ZNF865: variants seen among roughly 807,000 people sequenced by gnomAD.
ZNF865 encodes the protein zinc finger protein 865.
For missense variants in ZNF865, 1,311 were observed against 1,593.4 expected (o/e 0.82, Z 3.02); for synonymous variants, 763 against 750.8 (o/e 1.02, Z -0.27).
At position 55,616,684 on chromosome 19, in the gene ZNF865, C is replaced by T; in HGVS notation, c.3066C>T (p.Cys1022=). The change falls in exon 2 of 2, where the codon TGC becomes TGT. Residue 1022 remains cysteine (C), a synonymous_variant. Coordinates refer to ENST00000568956, the MANE Select transcript of ZNF865 (RefSeq NM_001195605.2). The part of the protein sequence containing the change: ...QGGRPFRCSS[C]GEGFANTYGL... ...GCCGGCCCTTCCGCTGCTCCTCCTG[C>T]GGCGAGGGCTTCGCCAACACCTACG... 2 of 1,529,962 alleles carry T rather than the reference C, an allele frequency of 1.3e-6. No individual in the cohort carries two copies. Among genetic ancestry groups the T allele is most frequent in the Non-Finnish European group, 1.7e-6 (2 of 1,144,286 alleles). 94.8% of individuals were successfully genotyped at this position (1,529,962 alleles called of 1,614,324 possible). A position where few individuals can be genotyped will look rare whatever the true frequency, so the allele number is the denominator to read the frequency against.
At position 55,613,576 on chromosome 19, in the gene ZNF865, C is replaced by G. The variant is rs925376389; in HGVS notation, c.-26-17C>G. The G allele has an allele frequency of 2.7e-6, 4 of 1,483,070 alleles. No individual in the cohort carries two copies. The highest frequency in any genetic ancestry group is 1.8e-4 in the Middle Eastern group (1 of 5,564). 91.9% of individuals were successfully genotyped at this position (1,483,070 alleles called of 1,614,324 possible). On this transcript the variant is annotated splice_polypyrimidine_tract_variant and intron_variant, in intron 1 of 1. Transcript: ENST00000568956. ...AGCGCCGCGGCCGTGTCCTCAGCCC[C>G]GTCCTCCTCTTCACAGGGTCTCCCG... is the stretch of plus-strand genomic sequence containing the variant.
In ZNF865 at chr19:55,615,524, CTGGCCGGGG is replaced by C; in HGVS notation, c.1907_1915del (p.Leu636_Ala639delinsPro). 1 of 1,504,454 alleles carries C rather than the reference CTGGCCGGGG, an allele frequency of 6.6e-7. No individual in the cohort carries two copies. Among genetic ancestry groups the C allele is most frequent in the Non-Finnish European group, 8.8e-7 (1 of 1,132,944 alleles). The allele number at this position is 1,504,454 out of a possible 1,614,324, so 93.2% of individuals were successfully genotyped here. ...GCACCGGCTCCAGCTGCCCTGCGCC[CTGGCCGGGG>C]CAGCCGGCCTCCCCTCCACCCAAGG... On this transcript the variant is annotated inframe_deletion, in exon 2 of 2. Transcript: ENST00000568956.
Position 55,615,960 on chromosome 19 carries a change from C to G in ZNF865, c.2342C>G (p.Ala781Gly). 1 of 1,506,812 alleles carries G rather than the reference C, an allele frequency of 6.6e-7. No individual in the cohort carries two copies. 93.3% of individuals were successfully genotyped at this position (1,506,812 alleles called of 1,614,324 possible). The change falls in exon 2 of 2, where the codon GCT (alanine) becomes GGT (glycine). Residue 781 changes from alanine to glycine, a missense_variant. Transcript: ENST00000568956. Reference sequence around the variant, plus strand: ...GCAGGCGGGGCGGCGGTGGCAGGTGCTGGCGGGGGTGCCAGTTCCGGCCCC... The same window carrying G: ...GCAGGCGGGGCGGCGGTGGCAGGTGGTGGCGGGGGTGCCAGTTCCGGCCCC... ...EDAGGAAVAG[A>G]GGGASSGPER...
chr19:55,615,065 C>A lies in ZNF865; in HGVS notation c.1447C>A (p.Pro483Thr). Residue 483 changes from proline (P) to threonine (T), a missense_variant, in exon 2 of 2, where the codon CCC (proline) becomes ACC (threonine). Transcript: ENST00000568956. ...GGACGGGGCGGCCTCGGCCCCGCAG[C>A]CCCCGCCCACCTTCCCCCCGGGCCC... The part of the protein sequence containing the change: ...PKDGAASAPQ[P>T]PPTFPPGPYL... 1 of 1,216,656 alleles carries A rather than the reference C, an allele frequency of 8.2e-7. No individual in the cohort carries two copies. Among genetic ancestry groups the A allele is most frequent in the Non-Finnish European group, 1.0e-6 (1 of 975,028 alleles). 75.4% of individuals were successfully genotyped at this position (1,216,656 alleles called of 1,614,324 possible).
chr19:55,614,640 C>T lies in ZNF865; in HGVS notation c.1022C>T (p.Pro341Leu). Residue 341 changes from proline (P) to leucine (L), a missense_variant, in exon 2 of 2, where the codon CCT becomes CTT. Transcript: ENST00000568956. The surrounding 1 kb of genome is among the most constrained non-coding windows in gnomAD (Gnocchi z 8.0). Reference sequence around the variant, plus strand: ...CCTGCTGGTGTTGGGGTGCCCCCTCCTGCCACCGGGGGTGGCGATGGCCCG... The same window carrying T: ...CCTGCTGGTGTTGGGGTGCCCCCTCTTGCCACCGGGGGTGGCGATGGCCCG... ...AAPAGVGVPP[P>L]ATGGGDGPFA... 6.5e-7 allele frequency: 1 copy of T among 1,534,168 alleles called. No individual in the cohort carries two copies. The highest frequency in any genetic ancestry group is 8.7e-7 in the Non-Finnish European group (1 of 1,146,786).
chr19:55,606,565 C>T (rs1980950831), intron 1 of ZNF865, among the ~76,000 whole-genome samples: 1 of 152,230 alleles, frequency 6.6e-6, no homozygotes, highest in Admixed American at 6.5e-5. Context: ...AGCCTTCCTT[C>T]CCAGAATGTG....
At position 55,615,595 on chromosome 19, in the gene ZNF865, G is replaced by T. The variant is rs766470408; in HGVS notation, c.1977G>T (p.Thr659=). 19 of 1,532,512 alleles carry T rather than the reference G, an allele frequency of 1.2e-5. No individual in the cohort carries two copies. The highest frequency in any genetic ancestry group is 1.6e-5 in the Non-Finnish European group (18 of 1,145,564). 94.9% of individuals were successfully genotyped at this position (1,532,512 alleles called of 1,614,324 possible). A position where few individuals can be genotyped will look rare whatever the true frequency, so the allele number is the denominator to read the frequency against. The change falls in exon 2 of 2, where the codon ACG becomes ACT. Residue 659 remains threonine (T), a synonymous_variant. Transcript: ENST00000568956. ...CCTGTGGGCCCGGGGCCTCGGGCAC[G>T]TCTGCAGGGCCCACCGATGGGCTGA... ...PGACGPGASG[T]SAGPTDGLSY... is the part of the protein sequence containing the mutation.
chr19:55,609,722 T>C (rs1484360767), intron 1 of ZNF865, among the ~76,000 whole-genome samples: 1 of 152,092 alleles, frequency 6.6e-6, no homozygotes, highest in Non-Finnish European at 1.5e-5. Context: ...ATAACAAATA[T>C]CAAACTGGTC....
chr19:55,615,081 C>G lies in ZNF865; in HGVS notation c.1463C>G (p.Pro488Arg). 1 of 1,210,376 alleles carries G rather than the reference C, an allele frequency of 8.3e-7. No homozygotes were observed. Among genetic ancestry groups the G allele is most frequent in the Non-Finnish European group, 1.0e-6 (1 of 971,664 alleles). The allele number at this position is 1,210,376 out of a possible 1,614,324, so 75.0% of individuals were successfully genotyped here. A position where few individuals can be genotyped will look rare whatever the true frequency, so the allele number is the denominator to read the frequency against. The change falls in exon 2 of 2, where the codon CCC (proline) becomes CGC (arginine). Residue 488 changes from proline to arginine, a missense_variant. Physicochemically the swap from Pro to Arg is moderately radical, Grantham distance 103. Transcript: ENST00000568956. The stretch of plus-strand genomic sequence containing the variant: ...GCCCCGCAGCCCCCGCCCACCTTCC[C>G]CCCGGGCCCGTACCTCCTGCCCCCC... ...ASAPQPPPTF[P>R]PGPYLLPPDP...
At chr19:55,610,198 C>T (rs2123584951) in intron 1 of ZNF865, among the ~76,000 whole-genome samples, 1 of 152,350 alleles carries the variant, frequency 6.6e-6, no homozygotes, top group South Asian at 2.1e-4. Context: ...TTGGCTGCAC[C>T]TCCTCAGCTT....
Position 55,616,508 on chromosome 19 carries a change from C to A in ZNF865, c.2890C>A (p.His964Asn), listed in dbSNP as rs1328679909. 6.5e-7 allele frequency: 1 copy of A among 1,534,576 alleles called. No individual in the cohort carries two copies. Among genetic ancestry groups the A allele is most frequent in the Non-Finnish European group, 8.7e-7 (1 of 1,146,198 alleles). Residue 964 changes from histidine (H) to asparagine (N), a missense_variant, in exon 2 of 2, where the codon CAC becomes AAC. Coordinates refer to ENST00000568956, the MANE Select transcript of ZNF865 (RefSeq NM_001195605.2). ...GGGCGAGCGCGCCTACCGCTGTGAG[C>A]ACTGCGGCAAGGGCTTCTTCTACCT... ...HLGERAYRCE[H>N]CGKGFFYLSS... is the part of the protein sequence containing the mutation.
chr19:55,606,960 C>G (rs1201739290), intron 1 of ZNF865, among the ~76,000 whole-genome samples: 1 of 152,152 alleles, frequency 6.6e-6, no homozygotes, highest in African/African-American at 2.4e-5. Context: ...GCAGCAAGAA[C>G]AACAAGTGCA....
rs1274719954 is a variant in ZNF865 at position 55,613,957 on chromosome 19, C to T, written c.339C>T (p.Ser113=). Residue 113 remains serine (S), a synonymous_variant, in exon 2 of 2, where the codon TCC becomes TCT. Coordinates refer to ENST00000568956, the MANE Select transcript of ZNF865 (RefSeq NM_001195605.2). The part of the protein sequence containing the change: ...SSSSSSSSSS[S]SSSSQAKKPD... ...CGTCCTCCTCGTCGTCATCTTCGTC[C>T]TCTTCCTCTTCCCAAGCCAAGAAGC... 17 of 1,531,710 alleles carry T rather than the reference C, an allele frequency of 1.1e-5. No homozygotes were observed. Among genetic ancestry groups the T allele is most frequent in the Admixed American group, 2.0e-5 (1 of 50,398 alleles). The allele number at this position is 1,531,710 out of a possible 1,614,324, so 94.9% of individuals were successfully genotyped here. A position where few individuals can be genotyped will look rare whatever the true frequency, so the allele number is the denominator to read the frequency against.
rs73058305 is a variant in ZNF865, at chr19:55,611,105, C to G, written c.-26-2488C>G. ...GGGTTCAAGCCCATTGATCCAGACTCCTACTCCGTGACCATGGCAACTCAC... is the reference window on the plus strand; with the variant it reads ...GGGTTCAAGCCCATTGATCCAGACTGCTACTCCGTGACCATGGCAACTCAC... On this transcript the variant is annotated intron_variant, in intron 1 of 1. Coordinates refer to ENST00000568956, the MANE Select transcript of ZNF865 (RefSeq NM_001195605.2). The surrounding 1 kb of genome is among the most constrained non-coding windows in gnomAD (Gnocchi z 4.5). 0.041 allele frequency among the ~76,000 whole-genome samples: 6,240 copies of G among 152,282 alleles called. 187 individuals carry two copies. The highest frequency in any genetic ancestry group is 0.066 in the Non-Finnish European group (4,463 of 68,018).
chr19:55,616,876 C>A lies in ZNF865; in HGVS notation c.*78C>A. On this transcript the variant is annotated 3_prime_UTR_variant, in exon 2 of 2. Transcript: ENST00000568956. ...TCCCAGGACTGATCAGACTCTTCCC[C>A]CCTCCTCGCTGTTGCCCCATCCTTC... 7.3e-7 allele frequency: 1 copy of A among 1,365,580 alleles called. No individual in the cohort carries two copies. Among genetic ancestry groups the A allele is most frequent in the Non-Finnish European group, 9.5e-7 (1 of 1,051,982 alleles). The allele number at this position is 1,365,580 out of a possible 1,614,324, so 84.6% of individuals were successfully genotyped here. A position where few individuals can be genotyped will look rare whatever the true frequency, so the allele number is the denominator to read the frequency against.
rs569570128 is a variant in ZNF865, at chr19:55,614,952, T to A, written c.1334T>A (p.Leu445Gln). ...CCTCGGCCCGTGTACCCCTGCGACCTGTGCGGCAAGTCCTACTCGGCTCCG... is the reference window on the plus strand; with the variant it reads ...CCTCGGCCCGTGTACCCCTGCGACCAGTGCGGCAAGTCCTACTCGGCTCCG... ...GGPRPVYPCD[L>Q]CGKSYSAPQS... The change falls in exon 2 of 2, where the codon CTG becomes CAG. Residue 445 changes from leucine to glutamine, a missense_variant. By Grantham distance (113) the Leu-to-Gln change is moderately radical (BLOSUM62 -2). Coordinates refer to ENST00000568956, the MANE Select transcript of ZNF865 (RefSeq NM_001195605.2). This position sits in a 1 kb window ranked among gnomAD's most constrained non-coding sequence, Gnocchi z 8.0. The A allele has an allele frequency of 1.4e-5, 21 of 1,473,338 alleles. No homozygotes were observed. The East Asian group carries it at 3.1e-4, about 22-fold the overall frequency. The allele number at this position is 1,473,338 out of a possible 1,614,324, so 91.3% of individuals were successfully genotyped here.
intron 1 of ZNF865, among the ~76,000 whole-genome samples, chr19:55,610,319 G>A (rs541865893): frequency 5.9e-5 from 9 of 152,292 alleles, no homozygotes; most frequent in African/African-American, 2.2e-4. Context: ...GGAGTGCAGT[G>A]GCACGATCTC....
chr19:55,613,861 C>T lies in ZNF865; in HGVS notation c.243C>T (p.Pro81=). 1 of 1,500,192 alleles carries T rather than the reference C, an allele frequency of 6.7e-7. No homozygotes were observed. The allele number at this position is 1,500,192 out of a possible 1,614,324, so 92.9% of individuals were successfully genotyped here. ...QPPPPQYDYP[P]QSTFKPKAEV... is the part of the protein sequence containing the mutation. ...CTCCCCCGCAGTATGACTACCCGCC[C>T]CAGTCCACCTTCAAGCCCAAGGCGG... The change falls in exon 2 of 2, where the codon CCC becomes CCT. Residue 81 remains proline, a synonymous_variant. Transcript: ENST00000568956.
At position 55,614,444 on chromosome 19, in the gene ZNF865, G is replaced by A; in HGVS notation, c.826G>A (p.Asp276Asn). 1 of 1,439,802 alleles carries A rather than the reference G, an allele frequency of 6.9e-7. No homozygotes were observed. Among genetic ancestry groups the A allele is most frequent in the Non-Finnish European group, 9.1e-7 (1 of 1,097,340 alleles). 89.2% of individuals were successfully genotyped at this position (1,439,802 alleles called of 1,614,324 possible). ...CATCCGCCACCGCCGCTGCCACAAG[G>A]ACGTGCCACCGGCCGCGGGGGGCCC... Reference protein sequence around the residue: ...SLIRHRRCHKDVPPAAGGPPQ... With the variant: ...SLIRHRRCHKNVPPAAGGPPQ... Residue 276 changes from aspartate to asparagine, a missense_variant, in exon 2 of 2, where the codon GAC becomes AAC. Coordinates refer to ENST00000568956, the MANE Select transcript of ZNF865 (RefSeq NM_001195605.2). This position sits in a 1 kb window ranked among gnomAD's most constrained non-coding sequence, Gnocchi z 8.0.
Sources: gnomAD v4.1 joint callset for allele counts (sites outside exome capture counted in the v4.1 genomes callset) on GRCh38, gnomAD v4.1.1 for gene constraint, Gnocchi (gnomAD v3.1) non-coding constraint, MANE v1.5 for transcripts, NCBI Gene and HGNC (gene_info 2026-07-23, HGNC 2026-07-21) for gene names.